Variants in BRSK2 observed in about 807,000 individuals in gnomAD.
BRSK2 encodes the protein serine/threonine-protein kinase BRSK2.
In BRSK2, 19 loss-of-function variants were observed where a neutral mutation model predicts 83.3. That is an observed-to-expected ratio of 0.23 (90% CI 0.16 to 0.33). The LOEUF is 0.33. Ranked by LOEUF, BRSK2 falls within the 10% of genes least tolerant of loss-of-function variation. BRSK2 has a pLI of 1.00. For synonymous variants in BRSK2, 519 were observed against 435.4 expected, an observed-to-expected ratio of 1.19 and a Z score of -2.39; for missense variants, 798 against 1,042.3, an observed-to-expected ratio of 0.77 and a Z score of 3.23.
At chr11:1,446,055 GGGCTGGGCTGGGCTT>G (rs1357591017) in intron 12 of BRSK2, 148 bp downstream of exon 12, 80 of 376,408 alleles carry the variant, frequency 2.1e-4, no homozygotes, top group Non-Finnish European at 2.6e-4. Context: ...TAGCTGGGCT[GGGCTGGGCTGGGCTT>G]GGCTGGGCTG....
At chr11:1,408,411 G>A (rs1170939368) in intron 1 of BRSK2, among the ~76,000 whole-genome samples, 2 of 152,204 alleles carry the variant, frequency 1.3e-5, no homozygotes, top group East Asian at 3.9e-4. Context: ...AGCAGCCACG[G>A]GAGAACTGGG....
At chr11:1,450,852 G>A in intron 14 of BRSK2, 58 bp downstream of exon 14, 3 of 1,487,942 alleles carry the variant, frequency 2.0e-6, no homozygotes, top group Non-Finnish European at 2.7e-6. Flanking sequence ...GGCTGCCTTG[G>A]GGAGGGCCCC....
chr11:1,427,541 G>A (rs1047053382), intron 1 of BRSK2, among the ~76,000 whole-genome samples: 1 of 152,156 alleles, frequency 6.6e-6, no homozygotes, highest in African/African-American at 2.4e-5. Flanking sequence ...CCTTCCCTGT[G>A]GGGGGCGCAG....
rs553996239 is a variant in BRSK2 at position 1,458,405 on chromosome 11, TG to T, written c.1940-783del. Among the ~76,000 whole-genome samples, 531 of 152,210 alleles carry T rather than the reference TG, an allele frequency of 3.5e-3. 4 individuals carry two copies. The highest frequency in any genetic ancestry group is 0.012 in the African/African-American group (513 of 41,538). ...GGCCCCATCTATCTCCCTGTGGACT[TG>T]GGGAGCCCAGCCTATCCCCGTGATC... is the stretch of plus-strand genomic sequence containing the variant. On this transcript the variant is annotated intron_variant, in intron 18 of 19. Transcript: ENST00000528841.
intron 15 of BRSK2, among the ~76,000 whole-genome samples, chr11:1,452,995 G>T (rs1404501259): frequency 6.6e-6 from 1 of 152,226 alleles, no homozygotes; most frequent in Non-Finnish European, 1.5e-5. Context: ...GGACACTCAG[G>T]GCTGATGTCC....
At chr11:1,433,175 G>C (rs1458398759) in intron 1 of BRSK2, among the ~76,000 whole-genome samples, 1 of 152,254 alleles carries the variant, frequency 6.6e-6, no homozygotes, top group East Asian at 1.9e-4. Context: ...CAGCTGCCCT[G>C]TGCCCTTGGT....
chr11:1,410,606 G>A (rs997341820), intron 1 of BRSK2: 6 of 985,316 alleles, frequency 6.1e-6, no homozygotes, highest in Non-Finnish European at 7.2e-6. Context: ...GGGGCTCCGA[G>A]TGCAGGGCTC....
intron 1 of BRSK2, among the ~76,000 whole-genome samples, chr11:1,400,437 C>G (rs184773864): frequency 6.6e-6 from 1 of 152,232 alleles, no homozygotes; most frequent in Admixed American, 6.5e-5. Context: ...GGGCGGTGGC[C>G]TCCTCTTCCA....
At position 1,390,556 on chromosome 11, in the gene BRSK2, C is replaced by T. The variant is rs1359058323; in HGVS notation, c.91+181C>T. Reference sequence around the variant, plus strand: ...TGCGCCCCGGTTCCGCCGCGGATCCCGCAGGCCGCTTGGCTGCGGTCGGCC... The same window carrying T: ...TGCGCCCCGGTTCCGCCGCGGATCCTGCAGGCCGCTTGGCTGCGGTCGGCC... On this transcript the variant is annotated intron_variant, in intron 1 of 19. Transcript: ENST00000528841. The surrounding 1 kb of genome is among the most constrained non-coding windows in gnomAD (Gnocchi z 6.8). Among the ~76,000 whole-genome samples, 1 of 146,022 alleles carries T rather than the reference C, an allele frequency of 6.8e-6. No homozygotes were observed. The highest frequency in any genetic ancestry group is 2.5e-5 in the African/African-American group (1 of 40,776).
intron 12 of BRSK2, among the ~76,000 whole-genome samples, chr11:1,449,270 C>T (rs939381213): frequency 2.2e-4 from 34 of 152,234 alleles, no homozygotes; most frequent in African/African-American, 8.0e-4. Flanking sequence ...TGCCCAGGCC[C>T]TCCTGGTTGT....
At chr11:1,401,822 C>T (rs1402236139) in intron 1 of BRSK2, among the ~76,000 whole-genome samples, 1 of 152,268 alleles carries the variant, frequency 6.6e-6, no homozygotes, top group African/African-American at 2.4e-5. Flanking sequence ...CTTCCTCCTC[C>T]CGCGAGGGCG....
intron 1 of BRSK2, among the ~76,000 whole-genome samples, chr11:1,416,113 C>A (rs1320837703): frequency 6.6e-6 from 1 of 152,224 alleles, no homozygotes; most frequent in East Asian, 1.9e-4. Context: ...CGAGCTAGGG[C>A]AAGGGGAGGG....
At chr11:1,458,510 G>A (rs1312578438) in intron 18 of BRSK2, among the ~76,000 whole-genome samples, 3 of 152,176 alleles carry the variant, frequency 2.0e-5, no homozygotes, top group Non-Finnish European at 2.9e-5. Flanking sequence ...CTCCAAGGAT[G>A]TGTGGAAGGT....
chr11:1,436,145 C>A lies in BRSK2; in HGVS notation c.186+11C>A. ...TCGGTGCTGATGAAGGTGGGTGGGG[C>A]CGGGGAGGGAGGCGGGGCCGGCGGT... On this transcript the variant is annotated intron_variant, in intron 2 of 19. Transcript: ENST00000528841. The A allele has an allele frequency of 1.5e-5, 3 of 196,984 alleles. No individual in the cohort carries two copies. The highest frequency in any genetic ancestry group is 2.9e-5 in the Non-Finnish European group (3 of 103,204). 12.2% of individuals were successfully genotyped at this position (196,984 alleles called of 1,614,324 possible).
At chr11:1,443,462 C>A in intron 7 of BRSK2, 27 bp from the exon 8 acceptor site, 2 of 1,575,646 alleles carry the variant, frequency 1.3e-6, no homozygotes, top group South Asian at 2.3e-5. Context: ...CCCCCCCACG[C>A]TGACCCCCAC....
chr11:1,435,859 G>A (rs977887920), intron 1 of BRSK2, among the ~76,000 whole-genome samples, 181 bp from the exon 2 acceptor site: 8 of 151,760 alleles, frequency 5.3e-5, no homozygotes, highest in African/African-American at 1.7e-4. Flanking sequence ...CAGGGGCAGC[G>A]TGACGCCAGC....
intron 1 of BRSK2, among the ~76,000 whole-genome samples, chr11:1,404,639 CCT>C (rs1650407089): frequency 6.6e-6 from 1 of 152,192 alleles, no homozygotes; most frequent in Admixed American, 6.5e-5. Context: ...TGATGTGGCC[CCT>C]GCCTCTAAGA....
At chr11:1,460,429 C>G in intron 19 of BRSK2, 71 bp from the exon 20 acceptor site, 7 of 1,009,638 alleles carry the variant, frequency 6.9e-6, no homozygotes, top group Non-Finnish European at 7.9e-6. Context: ...TCCCTCCCCT[C>G]CTCTTTCTCT....
At chr11:1,425,206 T>G (rs1849074136) in intron 1 of BRSK2, among the ~76,000 whole-genome samples, 1 of 152,198 alleles carries the variant, frequency 6.6e-6, no homozygotes, top group African/African-American at 2.4e-5. Flanking sequence ...TCCAAGCCAC[T>G]CAGCAGGTGG....
Sources: gnomAD v4.1 joint callset for allele counts (sites outside exome capture counted in the v4.1 genomes callset) on GRCh38, gnomAD v4.1.1 for gene constraint, Gnocchi (gnomAD v3.1) non-coding constraint, MANE v1.5 for transcripts, NCBI Gene and HGNC (gene_info 2026-07-23, HGNC 2026-07-21) for gene names.